RBBP8: variants seen among roughly 807,000 people sequenced by gnomAD.
RBBP8 encodes RB binding protein 8, endonuclease.
Under a neutral mutation model 108.3 loss-of-function variants are expected in RBBP8, and 88 were observed. That is an observed-to-expected ratio of 0.81 (90% CI 0.68 to 0.97). The LOEUF (loss-of-function observed/expected upper bound fraction) is 0.97. Among genes scored for constraint, RBBP8 ranks in the 50% least tolerant of loss-of-function variants. RBBP8 has a pLI of 0.00. For missense variants in RBBP8, 1,023 were observed against 1,049.0 expected (o/e 0.98, Z 0.34); for synonymous variants, 332 against 348.2 (o/e 0.95, Z 0.52).
rs534066189 is a variant in RBBP8 at position 22,935,204 on chromosome 18, A to C, written c.-98-1550A>C. 1.3e-4 allele frequency among the ~76,000 whole-genome samples: 19 copies of C among 151,526 alleles called. 1 individual carries two copies. In the South Asian group the frequency reaches 3.3e-3, roughly 26 times the overall value. On this transcript the variant is annotated intron_variant, in intron 1 of 18. Coordinates refer to ENST00000327155, the MANE Select transcript of RBBP8 (RefSeq NM_002894.3). Reference sequence around the variant, plus strand: ...GAGAAATACTGGAATTATGAACCCCATTGTATACGCACCCACCCAGCTTCA... The same window carrying C: ...GAGAAATACTGGAATTATGAACCCCCTTGTATACGCACCCACCCAGCTTCA...
At chr18:22,957,635 T>C (rs1422679046) in intron 4 of RBBP8, among the ~76,000 whole-genome samples, 6 of 152,166 alleles carry the variant, frequency 3.9e-5, no homozygotes, top group African/African-American at 1.4e-4. Flanking sequence ...CTGCATTCTC[T>C]TGTGAAATTG....
chr18:22,985,603 A>G (rs1915270299), intron 8 of RBBP8, among the ~76,000 whole-genome samples: 1 of 152,152 alleles, frequency 6.6e-6, no homozygotes, highest in African/African-American at 2.4e-5. Flanking sequence ...TGGTTTGGAC[A>G]ACAGGAAAAA....
chr18:22,954,354 A>G (rs559129702), intron 4 of RBBP8, among the ~76,000 whole-genome samples: 1 of 152,170 alleles, frequency 6.6e-6, no homozygotes, highest in South Asian at 2.1e-4. Flanking sequence ...CCCATTCCAA[A>G]TGGGAGAAAT....
intron 4 of RBBP8, among the ~76,000 whole-genome samples, chr18:22,957,374 G>T (rs1013114468): frequency 8.7e-6 from 1 of 115,602 alleles, no homozygotes. Context: ...CATCTCTGTT[G>T]TATTTACAGC....
chr18:22,963,187 T>G (rs1050894324), intron 4 of RBBP8, among the ~76,000 whole-genome samples: 3 of 152,314 alleles, frequency 2.0e-5, no homozygotes, highest in Non-Finnish European at 1.5e-5. Flanking sequence ...TTAAAAATGT[T>G]TATGAGCTAT....
At chr18:22,960,652 G>C (rs1913016429) in intron 4 of RBBP8, among the ~76,000 whole-genome samples, 1 of 152,120 alleles carries the variant, frequency 6.6e-6, no homozygotes, top group African/African-American at 2.4e-5. Flanking sequence ...CTGGGGCGCA[G>C]TAGTGCAATA....
At position 22,922,546 on chromosome 18, in the gene RBBP8, T is replaced by C. The variant is rs1172878492; in HGVS notation, c.-154+5520T>C. Among the ~76,000 whole-genome samples, 6 of 152,224 alleles carry C rather than the reference T, an allele frequency of 3.9e-5. No individual in the cohort carries two copies. In the East Asian group the frequency reaches 1.2e-3, roughly 29 times the overall value. On this transcript the variant is annotated intron_variant, in intron 3 of 4. Transcript: ENST00000577588. ...GGCAAGATCTCAGCTCACTGCAACC[T>C]CCACCTCCCAGGCTGAAACAATCCT...
chr18:22,954,100 C>A lies in RBBP8; in HGVS notation c.248+4387C>A, dbSNP rs1197918850. On this transcript the variant is annotated intron_variant, in intron 4 of 18. Coordinates refer to ENST00000327155, the MANE Select transcript of RBBP8 (RefSeq NM_002894.3). Reference sequence around the variant, plus strand: ...ATTCAAGTTGAGATTTGGGTGGGGACACAGCCAAATCATATCATTCCACTC... The same window carrying A: ...ATTCAAGTTGAGATTTGGGTGGGGAAACAGCCAAATCATATCATTCCACTC... 2.0e-5 allele frequency among the ~76,000 whole-genome samples: 3 copies of A among 152,078 alleles called. No individual in the cohort carries two copies. The East Asian group carries it at 5.8e-4, about 29-fold the overall frequency.
chr18:23,022,672 T>TAA (rs1169553930), intron 18 of RBBP8, among the ~76,000 whole-genome samples: 2 of 117,832 alleles, frequency 1.7e-5, no homozygotes, highest in African/African-American at 3.0e-5. Flanking sequence ...ATAAAATAAA[T>TAA]AACTGTATAT....
chr18:23,009,895 A>G (rs2046126128), intron 16 of RBBP8, among the ~76,000 whole-genome samples: 2 of 152,104 alleles, frequency 1.3e-5, no homozygotes, highest in Admixed American at 1.3e-4. Flanking sequence ...CCGAGTAGCT[A>G]GGACTACAGG....
chr18:23,000,266 A>G (rs1376134319), intron 14 of RBBP8, among the ~76,000 whole-genome samples: 1 of 152,176 alleles, frequency 6.6e-6, no homozygotes, highest in African/African-American at 2.4e-5. Flanking sequence ...AGCCAACTGG[A>G]TTTAAACTCT....
At chr18:22,933,290 G>C (rs1292317760), upstream of RBBP8, 1 of 152,212 alleles carries the variant, frequency 6.6e-6, no homozygotes, top group African/African-American at 2.4e-5. Context: ...GCCGCGATGG[G>C]CAGCTGGAGG....
chr18:22,932,535 G>T (rs150267522), upstream of RBBP8, among the ~76,000 whole-genome samples: 6 of 152,238 alleles, frequency 3.9e-5, no homozygotes, highest in African/African-American at 1.4e-4. Context: ...TTGTATTTAT[G>T]ATTTCTAAGT....
chr18:22,933,251 C>T (rs1910154313), upstream of RBBP8: 1 of 152,222 alleles, frequency 6.6e-6, no homozygotes, highest in African/African-American at 2.4e-5. Flanking sequence ...CCGAAGAGCC[C>T]GCTCCTCAGC....
chr18:23,004,710 G>A (rs2046009385), intron 15 of RBBP8: 2 of 152,200 alleles, frequency 1.3e-5, no homozygotes, highest in Admixed American at 1.3e-4. Flanking sequence ...TGACCTCTTA[G>A]AAGCAGGAGA....
chr18:23,001,809 C>A, intron 15 of RBBP8, 80 bp downstream of exon 15: 1 of 1,518,208 alleles, frequency 6.6e-7, no homozygotes, highest in Non-Finnish European at 9.1e-7. Flanking sequence ...TTAACAAAGG[C>A]TTGATGACAT....
chr18:22,923,138 A>G (rs1400601123), intron 3 of RBBP8, among the ~76,000 whole-genome samples: 1 of 147,256 alleles, frequency 6.8e-6, no homozygotes, highest in Non-Finnish European at 1.5e-5. Flanking sequence ...AGTTTCTTAC[A>G]TATATATATA....
Position 22,990,982 on chromosome 18 carries a change from TG to T in RBBP8, c.854del (p.Cys285PhefsTer22), listed in dbSNP as rs750231677. On this transcript the variant is annotated frameshift_variant, in exon 10 of 19. Coordinates refer to ENST00000327155, the MANE Select transcript of RBBP8 (RefSeq NM_002894.3). LOFTEE classifies it high-confidence loss of function. ...MSPLGDELYH[C>X]LEGNHKKQPF... ...CCCCCTTGGTGATGAGCTCTACCAC[TG>T]TCTGGAAGGAAATCACAAGAAACAG... The T allele has an allele frequency of 6.2e-7, 1 of 1,613,748 alleles. No individual in the cohort carries two copies. The highest frequency in any genetic ancestry group is 1.3e-5 in the African/African-American group (1 of 74,906).
At chr18:23,015,134 G>A (rs760317581) in intron 16 of RBBP8, among the ~76,000 whole-genome samples, 109 of 152,042 alleles carry the variant, frequency 7.2e-4, no homozygotes, top group South Asian at 1.0e-3. Flanking sequence ...TTGGTCTCAA[G>A]CAACCCTTTT....
Sources: gnomAD v4.1 joint callset for allele counts (sites outside exome capture counted in the v4.1 genomes callset) on GRCh38, gnomAD v4.1.1 for gene constraint, MANE v1.5 for transcripts, NCBI Gene and HGNC (gene_info 2026-07-23, HGNC 2026-07-21) for gene names.